The following GALNT13 variants were observed in gnomAD, a reference collection of about 807,000 sequenced individuals.
GALNT13 encodes UDP-GalNAc:polypeptide N-acetylgalactosaminyltransferase 13.
Under a neutral mutation model 64.2 loss-of-function variants are expected in GALNT13, and 28 were observed. The ratio of observed to expected loss-of-function variants is 0.44; its 90% CI spans 0.32 to 0.60. GALNT13 has a LOEUF of 0.60. Ranked by LOEUF, GALNT13 falls within the 20% of genes least tolerant of loss-of-function variation. The pLI is 0.05. For missense variants in GALNT13, 577 were observed against 669.8 expected, an observed-to-expected ratio of 0.86 and a Z score of 1.53; for synonymous variants, 214 against 224.6, an observed-to-expected ratio of 0.95 and a Z score of 0.42.
At chr2:154,406,111 A>G (rs975279) in intron 10 of GALNT13, among the ~76,000 whole-genome samples, 69,907 of 152,048 alleles carry the variant, frequency 0.46, 16,737 homozygotes, top group East Asian at 0.63. Flanking sequence ...GGTAAATAGA[A>G]ATAGCATTTG....
At chr2:153,077,084 T>G in the GALNT13 span, among the ~76,000 whole-genome samples, 1 of 152,096 alleles carries the variant, frequency 6.6e-6, no homozygotes, top group Non-Finnish European at 1.5e-5. Flanking sequence ...CCCGAGTAGC[T>G]GGGATTACAG....
chr2:154,446,547 G>T, intron 12 of GALNT13: 1 of 1,516,174 alleles, frequency 6.6e-7, no homozygotes, highest in Non-Finnish European at 8.9e-7. Context: ...GTCATTATTC[G>T]TTATTTTCTT....
chr2:153,984,143 T>C (rs1282572469), intron 3 of GALNT13, among the ~76,000 whole-genome samples: 1 of 151,852 alleles, frequency 6.6e-6, no homozygotes, highest in Non-Finnish European at 1.5e-5. Flanking sequence ...AACTACATTG[T>C]CATCATGGAG....
intron 10 of GALNT13, among the ~76,000 whole-genome samples, chr2:154,401,083 G>T (rs1699281180): frequency 6.6e-6 from 1 of 152,116 alleles, no homozygotes; most frequent in Non-Finnish European, 1.5e-5. Flanking sequence ...TATGCATTTT[G>T]TATTGTGTAC....
chr2:154,365,270 A>G (rs1275964302), intron 9 of GALNT13, among the ~76,000 whole-genome samples: 1 of 152,150 alleles, frequency 6.6e-6, no homozygotes, highest in Non-Finnish European at 1.5e-5. Context: ...TTTCCTAAGC[A>G]GGTCACAATC....
chr2:153,921,002 G>A (rs1032760996), intron 2 of GALNT13, among the ~76,000 whole-genome samples: 1 of 152,140 alleles, frequency 6.6e-6, no homozygotes, highest in African/African-American at 2.4e-5. Flanking sequence ...GTGGAGAAAA[G>A]GGAACGCTTA....
chr2:153,085,540 G>A, the GALNT13 span, among the ~76,000 whole-genome samples: 3 of 152,174 alleles, frequency 2.0e-5, no homozygotes, highest in Non-Finnish European at 4.4e-5. Context: ...TCAGGCTATG[G>A]CTTCAGAAGG....
At chr2:154,053,334 A>G (rs577872532) in intron 3 of GALNT13, among the ~76,000 whole-genome samples, 2 of 152,282 alleles carry the variant, frequency 1.3e-5, no homozygotes, top group East Asian at 3.9e-4. Context: ...CTATACCTCA[A>G]TAAAGCCTCC....
chr2:154,228,040 TCAAA>T lies in GALNT13; in HGVS notation c.312-13987_312-13984del, dbSNP rs145508027. Among the ~76,000 whole-genome samples, 825 of 152,260 alleles carry T rather than the reference TCAAA, an allele frequency of 5.4e-3. 11 individuals carry two copies. The highest frequency in any genetic ancestry group is 0.019 in the African/African-American group (779 of 41,572). Reference sequence around the variant, plus strand: ...CCTACGTGTGATGTTAACATTGTTCTCAAACAGTTTGCTGGCTGAAGATTCATTT... The same window carrying T: ...CCTACGTGTGATGTTAACATTGTTCTCAGTTTGCTGGCTGAAGATTCATTT... On this transcript the variant is annotated intron_variant, in intron 4 of 12. Coordinates refer to ENST00000392825, the MANE Select transcript of GALNT13 (RefSeq NM_052917.4).
chr2:153,694,736 A>G, the GALNT13 span, among the ~76,000 whole-genome samples: 1 of 152,214 alleles, frequency 6.6e-6, no homozygotes, highest in Non-Finnish European at 1.5e-5. Context: ...GCTTAAGTAA[A>G]AAAATTTTAA....
At chr2:153,676,523 C>A in the GALNT13 span, among the ~76,000 whole-genome samples, 1 of 152,118 alleles carries the variant, frequency 6.6e-6, no homozygotes, top group Non-Finnish European at 1.5e-5. Context: ...ATAAGGCCAG[C>A]ATTATCCAGA....
At chr2:154,099,194 T>C (rs998575974) in intron 3 of GALNT13, among the ~76,000 whole-genome samples, 2 of 152,198 alleles carry the variant, frequency 1.3e-5, no homozygotes, top group African/African-American at 4.8e-5. Flanking sequence ...TTTCTCATTT[T>C]TATTGGCTGC....
At chr2:153,116,328 AT>A in the GALNT13 span, among the ~76,000 whole-genome samples, 2 of 152,118 alleles carry the variant, frequency 1.3e-5, no homozygotes, top group Admixed American at 1.3e-4. Context: ...AATGAGACTG[AT>A]TTTTTTCTTT....
intron 4 of GALNT13, among the ~76,000 whole-genome samples, chr2:154,233,140 C>G (rs1573925401): frequency 6.6e-6 from 1 of 151,656 alleles, no homozygotes; most frequent in African/African-American, 2.4e-5. Flanking sequence ...CAAAAGACCA[C>G]CAGAATAAAC....
chr2:153,974,716 T>C (rs946956472), intron 3 of GALNT13, among the ~76,000 whole-genome samples: 1 of 152,070 alleles, frequency 6.6e-6, no homozygotes, highest in Non-Finnish European at 1.5e-5. Context: ...ATAAATGAGA[T>C]ATTCTTCCTG....
intron 7 of GALNT13, among the ~76,000 whole-genome samples, chr2:154,248,789 A>G (rs1689919490): frequency 6.6e-6 from 1 of 152,134 alleles, no homozygotes; most frequent in Non-Finnish European, 1.5e-5. Context: ...CTCCTTCTAA[A>G]TTATGTTCCT....
the GALNT13 span, among the ~76,000 whole-genome samples, chr2:153,121,826 ATT>A: frequency 1.3e-5 from 2 of 152,162 alleles, no homozygotes; most frequent in African/African-American, 4.8e-5. Flanking sequence ...GAGCTACTGC[ATT>A]TTTTACGACA....
intron 9 of GALNT13, among the ~76,000 whole-genome samples, chr2:154,367,400 C>A (rs909233433): frequency 2.0e-5 from 3 of 152,112 alleles, no homozygotes; most frequent in Non-Finnish European, 4.4e-5. Flanking sequence ...ATTTTGTTAG[C>A]CATTAGTTAC....
intron 3 of GALNT13, among the ~76,000 whole-genome samples, chr2:153,988,746 G>A (rs145080058): frequency 1.2e-3 from 179 of 152,014 alleles, no homozygotes; most frequent in African/African-American, 4.1e-3. Context: ...AATTTAAGAG[G>A]ATGATGAGGA....
Sources: allele counts gnomAD v4.1 joint callset (sites outside exome capture counted in the v4.1 genomes callset), GRCh38; gene constraint gnomAD v4.1.1; transcripts MANE v1.5; gene names NCBI Gene and HGNC (gene_info 2026-07-23, HGNC 2026-07-21).